The following SPIRE2 variants were observed in gnomAD, a reference collection of about 807,000 sequenced individuals.
The protein encoded by SPIRE2 is spire type actin nucleation factor 2.
In SPIRE2, 76 loss-of-function variants were observed where a neutral mutation model predicts 80.7. The observed-to-expected ratio is 0.94, with a 90% confidence interval of 0.78 to 1.14. The LOEUF is 1.14. Ranked by LOEUF, SPIRE2 falls within the 50% of genes most tolerant of loss-of-function variation. SPIRE2 has a pLI of 0.00. For missense variants in SPIRE2, 1,196 were observed against 1,015.3 expected, an observed-to-expected ratio of 1.18 and a Z score of -2.42; for synonymous variants, 535 against 432.6, an observed-to-expected ratio of 1.24 and a Z score of -2.94.
chr16:89,849,497 G>A (rs139240203), intron 2 of SPIRE2, among the ~76,000 whole-genome samples: 72 of 152,340 alleles, frequency 4.7e-4, no homozygotes, highest in Admixed American at 7.8e-4. Flanking sequence ...GTTGTAAAGC[G>A]AAACTATGAG....
intron 5 of SPIRE2, 27 bp from the exon 6 acceptor site, chr16:89,855,573 G>A (rs774323166): frequency 6.2e-7 from 1 of 1,606,416 alleles, no homozygotes; most frequent in Non-Finnish European, 8.5e-7. Flanking sequence ...TCCCTGCAGG[G>A]CCTCAGATCA....
rs565074345 is a variant in SPIRE2, at chr16:89,838,828, C to T, written c.245-6494C>T. Reference sequence around the variant, plus strand: ...GCACTCAGGGGCTCCCCTCTCTTTTCCTCAGTGTGGGTCTTGGGTTTTCTC... The same window carrying T: ...GCACTCAGGGGCTCCCCTCTCTTTTTCTCAGTGTGGGTCTTGGGTTTTCTC... On this transcript the variant is annotated intron_variant, in intron 1 of 14. Coordinates refer to ENST00000378247, the MANE Select transcript of SPIRE2 (RefSeq NM_032451.2). Among the ~76,000 whole-genome samples, 3 of 152,306 alleles carry T rather than the reference C, an allele frequency of 2.0e-5. No homozygotes were observed. In the South Asian group the frequency reaches 6.2e-4, roughly 32 times the overall value.
intron 1 of SPIRE2, among the ~76,000 whole-genome samples, chr16:89,831,554 C>T (rs1202012765): frequency 1.3e-5 from 2 of 150,342 alleles, no homozygotes; most frequent in South Asian, 2.1e-4. Context: ...CCCGCCACCA[C>T]GCCCGGCTAA....
intron 2 of SPIRE2, chr16:89,846,848 CA>C (rs1230138146): frequency 8.4e-6 from 1 of 119,534 alleles, no homozygotes; most frequent in African/African-American, 3.2e-5. Flanking sequence ...TCTTGTTGCC[CA>C]GGGGGAGTCC....
At chr16:89,852,604 T>C (rs144386854) in intron 3 of SPIRE2, among the ~76,000 whole-genome samples, 896 of 2,604 alleles carry the variant, frequency 0.34, 282 homozygotes, top group East Asian at 0.98. Flanking sequence ...CCATCCTCCC[T>C]CCACCCCCCA....
At chr16:89,866,063 C>T (rs984192944) in intron 12 of SPIRE2, among the ~76,000 whole-genome samples, 9 of 150,542 alleles carry the variant, frequency 6.0e-5, no homozygotes, top group Non-Finnish European at 7.4e-5. Context: ...GTGGGAGGAT[C>T]ACTTGAGCCA....
At position 89,863,950 on chromosome 16, in the gene SPIRE2, C is replaced by CA; in HGVS notation, c.1778+89_1778+90insA. The CA allele has an allele frequency of 4.1e-6, 4 of 969,078 alleles. No homozygotes were observed. Among genetic ancestry groups the CA allele is most frequent in the Non-Finnish European group, 6.4e-6 (4 of 625,388 alleles). The allele number at this position is 969,078 out of a possible 1,614,324, so 60.0% of individuals were successfully genotyped here. The stretch of plus-strand genomic sequence containing the variant: ...ACCGCCCACAGAACTTCCTGTGATT[C>CA]CAGGAATGTTCTAGCATGTTCGATG... On this transcript the variant is annotated intron_variant, in intron 12 of 14. Transcript: ENST00000378247. The surrounding 1 kb of genome is among the most constrained non-coding windows in gnomAD (Gnocchi z 4.3).
rs1398122594 is a variant in SPIRE2 at position 89,831,111 on chromosome 16, G to A, written c.244+2317G>A. 4.7e-5 allele frequency among the ~76,000 whole-genome samples: 7 copies of A among 150,456 alleles called. No homozygotes were observed. In the East Asian group the frequency reaches 9.7e-4, roughly 21 times the overall value. On this transcript the variant is annotated intron_variant, in intron 1 of 14. Coordinates refer to ENST00000378247, the MANE Select transcript of SPIRE2 (RefSeq NM_032451.2). ...TTTTTAGTAGAGACGGGGTTTCACC[G>A]TGTTAGCCAGGATGGTCTCGATCTC... is the stretch of plus-strand genomic sequence containing the variant.
chr16:89,851,627 C>T (rs904839159), intron 3 of SPIRE2, among the ~76,000 whole-genome samples: 6 of 152,174 alleles, frequency 3.9e-5, no homozygotes, highest in Non-Finnish European at 7.4e-5. Flanking sequence ...TAGGAGCAAC[C>T]ATCCCTCTCT....
Position 89,868,196 on chromosome 16 carries a change from T to A in SPIRE2, c.1786T>A (p.Cys596Ser). 2 of 1,614,124 alleles carry A rather than the reference T, an allele frequency of 1.2e-6. No individual in the cohort carries two copies. Among genetic ancestry groups the A allele is most frequent in the Non-Finnish European group, 1.7e-6 (2 of 1,179,992 alleles). The change falls in exon 13 of 15, where the codon TGC becomes AGC. Residue 596 changes from cysteine (C) to serine (S), a missense_variant. Cys to Ser is a moderately radical substitution (Grantham distance 112, BLOSUM62 -1). Transcript: ENST00000378247. ...TCCTCTGTTCCCTTCCAGAGCCGTC[T>A]GCACTTCCTGTAGCATAAAGGTGAG... ...PSCLFCKRAV[C>S]TSCSIKMKMP...
intron 10 of SPIRE2, among the ~76,000 whole-genome samples, 159 bp downstream of exon 10, chr16:89,860,954 A>G (rs2041738973): frequency 6.6e-6 from 1 of 151,832 alleles, no homozygotes; most frequent in Non-Finnish European, 1.5e-5. Context: ...ATGGGGCACC[A>G]GTGGTGGAGC....
chr16:89,849,454 G>A (rs575283007), intron 2 of SPIRE2, among the ~76,000 whole-genome samples: 23 of 152,360 alleles, frequency 1.5e-4, no homozygotes, highest in Non-Finnish European at 2.8e-4. Context: ...GAGTGCTGTC[G>A]TTATATTTGT....
intron 1 of SPIRE2, among the ~76,000 whole-genome samples, chr16:89,843,667 GTTTTT>G (rs746543138): frequency 1.7e-5 from 1 of 60,392 alleles, no homozygotes; most frequent in African/African-American, 7.1e-5. Context: ...TTGCTGCCAC[GTTTTT>G]TTTTTTTTGT....
intron 3 of SPIRE2, among the ~76,000 whole-genome samples, chr16:89,851,161 A>G (rs1429583015): frequency 1.3e-5 from 2 of 152,168 alleles, no homozygotes; most frequent in Admixed American, 6.6e-5. Flanking sequence ...TGGTGGGCTC[A>G]GCCTCTTCCC....
At chr16:89,845,815 A>G (rs932029191) in intron 2 of SPIRE2, 3 of 568,012 alleles carry the variant, frequency 5.3e-6, no homozygotes, top group African/African-American at 3.8e-5. Context: ...CCTGCCCTGA[A>G]GTCATGTCTG....
intron 1 of SPIRE2, among the ~76,000 whole-genome samples, chr16:89,842,300 C>T (rs1014384896): frequency 1.4e-5 from 2 of 143,664 alleles, no homozygotes; most frequent in Non-Finnish European, 3.0e-5. Flanking sequence ...GCAACCTCCA[C>T]CTCCTGGGTT....
At chr16:89,854,419 G>A in intron 4 of SPIRE2, 53 bp downstream of exon 4, 4 of 1,611,110 alleles carry the variant, frequency 2.5e-6, no homozygotes, top group Non-Finnish European at 3.4e-6. Context: ...GCCTGCCAAG[G>A]GTCTCTGCCT....
chr16:89,854,293 A>G lies in SPIRE2; in HGVS notation c.653A>G (p.Gln218Arg), dbSNP rs2041666581. 1.9e-6 allele frequency: 3 copies of G among 1,611,864 alleles called. No individual in the cohort carries two copies. The highest frequency in any genetic ancestry group is 1.3e-5 in the African/African-American group (1 of 74,924). Residue 218 changes from glutamine to arginine, a missense_variant, in exon 4 of 15, where the codon CAG (glutamine) becomes CGG (arginine). By Grantham distance (43) the Gln-to-Arg change is conservative. Transcript: ENST00000378247. Reference sequence around the variant, plus strand: ...GAGCACGTGTGGTCACAGATGCTGCAGAAGCTTCGGGAGGACGAGCCGCAT... The same window carrying G: ...GAGCACGTGTGGTCACAGATGCTGCGGAAGCTTCGGGAGGACGAGCCGCAT... ...ARVREAKEMLQKLREDEPHLE... is the reference protein window; with the variant it reads ...ARVREAKEMLRKLREDEPHLE...
chr16:89,842,905 G>A (rs2041518010), intron 1 of SPIRE2, among the ~76,000 whole-genome samples: 1 of 152,254 alleles, frequency 6.6e-6, no homozygotes, highest in Admixed American at 6.5e-5. Context: ...TATGTTAATG[G>A]AGCAGGCTCC....
Sources: gnomAD v4.1 joint callset for allele counts (sites outside exome capture counted in the v4.1 genomes callset) on GRCh38, gnomAD v4.1.1 for gene constraint, Gnocchi (gnomAD v3.1) non-coding constraint, MANE v1.5 for transcripts, NCBI Gene and HGNC (gene_info 2026-07-23, HGNC 2026-07-21) for gene names.